NQO2: variants seen among roughly 807,000 people sequenced by gnomAD.
The protein encoded by NQO2 is ribosyldihydronicotinamide dehydrogenase [quinone].
In NQO2, 18 loss-of-function variants were observed where a neutral mutation model predicts 22.0. The ratio of observed to expected loss-of-function variants is 0.82; its 90% CI spans 0.56 to 1.21. The LOEUF is 1.21. NQO2 is among the 50% of genes most tolerant of loss of function. NQO2 has a pLI of 0.00. For missense variants in NQO2, 267 were observed against 286.9 expected (o/e 0.93, Z 0.50); for synonymous variants, 106 against 110.8 (o/e 0.96, Z 0.28).
chr6:3,014,230 G>T (rs1395130279), intron 4 of NQO2, among the ~76,000 whole-genome samples: 1 of 152,174 alleles, frequency 6.6e-6, no homozygotes, highest in Non-Finnish European at 1.5e-5. Flanking sequence ...GCCCAGGCTT[G>T]CCTCTGCACA....
intron 6 of NQO2, among the ~76,000 whole-genome samples, chr6:3,018,469 C>A (rs1757416696): frequency 6.6e-6 from 1 of 152,152 alleles, no homozygotes; most frequent in South Asian, 2.1e-4. Context: ...TGCACCACTG[C>A]ACTCCAGCCT....
chr6:3,015,863 G>A (rs1361131853), intron 5 of NQO2, among the ~76,000 whole-genome samples: 2 of 152,200 alleles, frequency 1.3e-5, no homozygotes, highest in Non-Finnish European at 2.9e-5. Context: ...CACATCCACA[G>A]CATACTACAC....
At chr6:3,007,622 A>G (rs766719327) in intron 2 of NQO2, among the ~76,000 whole-genome samples, 25 of 152,248 alleles carry the variant, frequency 1.6e-4, no homozygotes, top group Non-Finnish European at 3.4e-4. Context: ...AAGTCAGTAT[A>G]TAAGCCTGGA....
At chr6:3,010,417 T>C (rs1757103717) in intron 3 of NQO2, among the ~76,000 whole-genome samples, 1 of 151,536 alleles carries the variant, frequency 6.6e-6, no homozygotes, top group African/African-American at 2.4e-5. Context: ...AAGCAGACGG[T>C]AAGAGATTGG....
rs759223560 is a variant in NQO2 at position 3,014,989 on chromosome 6, A to G, written c.304-541A>G. ...CACCTTTGGTAACAGATGATTGCCT[A>G]TGTTTATTTCCCTTCCCAGGCGGTA... On this transcript the variant is annotated intron_variant, in intron 4 of 6. Coordinates refer to ENST00000380455, the MANE Select transcript of NQO2 (RefSeq NM_000904.6). The G allele has an allele frequency of 1.7e-4, 134 of 793,586 alleles. 1 individual carries two copies. Among genetic ancestry groups the G allele is most frequent in the Non-Finnish European group, 2.2e-4 (119 of 542,112 alleles). 49.2% of individuals were successfully genotyped at this position (793,586 alleles called of 1,614,324 possible).
At chr6:3,019,367 C>T in intron 6 of NQO2, 112 bp from the exon 7 acceptor site, 1 of 1,453,716 alleles carries the variant, frequency 6.9e-7, no homozygotes, top group Non-Finnish European at 9.1e-7. Context: ...AAGGTTGTTT[C>T]ATGATTTTTT....
intron 5 of NQO2, among the ~76,000 whole-genome samples, chr6:3,016,437 A>C (rs2113462530): frequency 6.6e-6 from 1 of 151,846 alleles, no homozygotes; most frequent in Non-Finnish European, 1.5e-5. Flanking sequence ...TCTCAAAAAA[A>C]AAAAAAAAAA....
chr6:3,008,599 AAAT>A (rs1451500072), intron 2 of NQO2, among the ~76,000 whole-genome samples: 3 of 152,168 alleles, frequency 2.0e-5, no homozygotes, highest in Non-Finnish European at 2.9e-5. Flanking sequence ...AAAATACAAA[AAAT>A]TAGCTGGGCG....
At chr6:3,004,764 A>G (rs769419521) in intron 1 of NQO2, 1 of 406,498 alleles carries the variant, frequency 2.5e-6, no homozygotes, top group Admixed American at 6.4e-5. Context: ...GTGTCTTCAC[A>G]CTAAGCCCTA....
At chr6:3,012,946 C>CTTTTTTTTCTTTT (rs1757191834) in intron 4 of NQO2, among the ~76,000 whole-genome samples, 1 of 60,704 alleles carries the variant, frequency 1.6e-5, no homozygotes, top group Non-Finnish European at 3.0e-5. Flanking sequence ...TGTAACACTA[C>CTTTTTTTTCTTTT]TTTTTTTTTT....
chr6:3,012,946 CTTTTTTTTTTT>C (rs751626888), intron 4 of NQO2, among the ~76,000 whole-genome samples: 6 of 60,724 alleles, frequency 9.9e-5, no homozygotes, highest in South Asian at 5.7e-4. Flanking sequence ...TGTAACACTA[CTTTTTTTTTTT>C]TTTTTTTTTT....
At chr6:3,009,152 A>C (rs557391955) in intron 2 of NQO2, among the ~76,000 whole-genome samples, 1 of 152,274 alleles carries the variant, frequency 6.6e-6, no homozygotes, top group Admixed American at 6.5e-5. Context: ...TGGACCATAA[A>C]AGACAGCTGC....
At chr6:3,008,812 A>C (rs1437308010) in intron 2 of NQO2, among the ~76,000 whole-genome samples, 1 of 152,244 alleles carries the variant, frequency 6.6e-6, no homozygotes, top group African/African-American at 2.4e-5. Context: ...GATGCCCCCA[A>C]GCCGTAAAAC....
At position 3,006,680 on chromosome 6, in the gene NQO2, G is replaced by A. The variant is rs1302527542; in HGVS notation, c.7+121G>A. Reference sequence around the variant, plus strand: ...ACCCTCCCACATTGACCTTCCAGGTGGGAGTTAGACTCTTAATCAGAAATT... The same window carrying A: ...ACCCTCCCACATTGACCTTCCAGGTAGGAGTTAGACTCTTAATCAGAAATT... On this transcript the variant is annotated intron_variant, in intron 2 of 6. Transcript: ENST00000380455. This position sits in a 1 kb window ranked among gnomAD's most constrained non-coding sequence, Gnocchi z 4.0. 1 of 1,013,544 alleles carries A rather than the reference G, an allele frequency of 9.9e-7. No homozygotes were observed. The highest frequency in any genetic ancestry group is 2.9e-5 in the East Asian group (1 of 35,070). The allele number at this position is 1,013,544 out of a possible 1,614,324, so 62.8% of individuals were successfully genotyped here.
At position 3,019,749 on chromosome 6, in the gene NQO2, A is replaced by C. The variant is rs1220877285; in HGVS notation, c.*94A>C. On this transcript the variant is annotated 3_prime_UTR_variant, in exon 7 of 7. Coordinates refer to ENST00000380455, the MANE Select transcript of NQO2 (RefSeq NM_000904.6). The stretch of plus-strand genomic sequence containing the variant: ...TGCTGTCATGAAATAAAATTACAAC[A>C]TAGCTACCTGGGGATACTTTTTTCT... The C allele has an allele frequency of 1.8e-6, 2 of 1,105,420 alleles. No individual in the cohort carries two copies. The highest frequency in any genetic ancestry group is 1.6e-5 in the African/African-American group (1 of 63,532). 68.5% of individuals were successfully genotyped at this position (1,105,420 alleles called of 1,614,324 possible). A position where few individuals can be genotyped will look rare whatever the true frequency, so the allele number is the denominator to read the frequency against.
In NQO2 at chr6:3,006,292, C is replaced by A. The variant is rs1756947036; in HGVS notation, c.-85-176C>A. The A allele has an allele frequency of 1.0e-6, 1 of 979,042 alleles. No individual in the cohort carries two copies. The highest frequency in any genetic ancestry group is 1.2e-6 in the Non-Finnish European group (1 of 824,276). 60.6% of individuals were successfully genotyped at this position (979,042 alleles called of 1,614,324 possible). On this transcript the variant is annotated intron_variant, in intron 1 of 6. Coordinates refer to ENST00000380455, the MANE Select transcript of NQO2 (RefSeq NM_000904.6). This position sits in a 1 kb window ranked among gnomAD's most constrained non-coding sequence, Gnocchi z 4.0. ...AGGAAAAAAGTATGGGTTTTGACAT[C>A]CTGCGTGGCTTGTCCTCTGAGGCCT... is the stretch of plus-strand genomic sequence containing the variant.
chr6:3,001,024 G>A (rs12200513), intron 1 of NQO2, among the ~76,000 whole-genome samples: 44,641 of 150,124 alleles, frequency 0.3, 7,811 homozygotes, highest in Non-Finnish European at 0.39. Flanking sequence ...TGTATTTTTA[G>A]TACAGGTGGG....
At chr6:3,015,673 G>T (rs758270757) in intron 5 of NQO2, 30 bp downstream of exon 5, 13 of 1,599,088 alleles carry the variant, frequency 8.1e-6, no homozygotes, top group Non-Finnish European at 1.0e-5. Context: ...GATCACTATG[G>T]ATAGTTGGAG....
chr6:3,008,387 G>A (rs1199969533), intron 2 of NQO2, among the ~76,000 whole-genome samples: 2 of 151,116 alleles, frequency 1.3e-5, no homozygotes, highest in African/African-American at 4.9e-5. Flanking sequence ...GCTCCAGCCT[G>A]GGCAACAAGA....
Sources: allele counts gnomAD v4.1 joint callset (sites outside exome capture counted in the v4.1 genomes callset), GRCh38; gene constraint gnomAD v4.1.1; non-coding constraint Gnocchi (gnomAD v3.1); transcripts MANE v1.5; gene names NCBI Gene and HGNC (gene_info 2026-07-23, HGNC 2026-07-21).